Variants in TMEM74B observed in about 807,000 individuals in gnomAD.
The protein encoded by TMEM74B is transmembrane protein 74B.
A neutral mutation model predicts 6.5 loss-of-function variants in TMEM74B; 7 were observed. That is an observed-to-expected ratio of 1.07 (90% confidence interval 0.61 to 2.01). TMEM74B has a LOEUF of 2.01. Among genes scored for constraint, TMEM74B ranks in the 30% most tolerant of loss-of-function variants. The pLI is 0.00. For missense variants in TMEM74B, 342 were observed against 337.0 expected, an observed-to-expected ratio of 1.01 and a Z score of -0.12; for synonymous variants, 151 against 151.6, an observed-to-expected ratio of 1.00 and a Z score of 0.03.
chr20:1,185,818 C>T (rs2087011266), upstream of TMEM74B, among the ~76,000 whole-genome samples: 1 of 143,998 alleles, frequency 6.9e-6, no homozygotes, highest in South Asian at 2.4e-4. Flanking sequence ...CTTCCCCTTC[C>T]CCCCACCCCC....
intron 2 of TMEM74B, among the ~76,000 whole-genome samples, chr20:1,182,807 G>GA (rs768651325): frequency 1.4e-4 from 21 of 152,330 alleles, no homozygotes; most frequent in Admixed American, 3.9e-4. Context: ...TTGGCTGATA[G>GA]AAGTTTTGCT....
chr20:1,183,780 C>T lies in TMEM74B; in HGVS notation c.22G>A (p.Glu8Lys), dbSNP rs140910098. ...ATTATCATGTACAAACCTGCAAACT[C>T]ATACCCCTGTGCTGGTGGCATCACT... MPPAQGY[E>K]FAAAKGPRDE... The change falls in exon 2 of 3, where the codon GAG becomes AAG. Residue 8 changes from glutamate (E) to lysine (K), a missense_variant. Transcript: ENST00000429036. 4,604 of 1,613,998 alleles carry T rather than the reference C, an allele frequency of 2.9e-3. 11 individuals carry two copies. The highest frequency in any genetic ancestry group is 3.5e-3 in the Non-Finnish European group (4,117 of 1,179,996).
At position 1,181,452 on chromosome 20, in the gene TMEM74B, C is replaced by G; in HGVS notation, c.167G>C (p.Arg56Thr). 1.3e-6 allele frequency: 2 copies of G among 1,515,008 alleles called. No homozygotes were observed. The highest frequency in any genetic ancestry group is 1.8e-6 in the Non-Finnish European group (2 of 1,132,346). 93.8% of individuals were successfully genotyped at this position (1,515,008 alleles called of 1,614,324 possible). A position where few individuals can be genotyped will look rare whatever the true frequency, so the allele number is the denominator to read the frequency against. Residue 56 changes from arginine to threonine, a missense_variant, in exon 3 of 3, where the codon AGG (arginine) becomes ACG (threonine). Physicochemically the swap from Arg to Thr is moderately conservative, Grantham distance 71. Coordinates refer to ENST00000429036, the MANE Select transcript of TMEM74B (RefSeq NM_001304748.2). This position sits in a 1 kb window ranked among gnomAD's most constrained non-coding sequence, Gnocchi z 4.9. ...GAAGCAGGCATTCTCCACACCCTCC[C>G]TGGTTGGGGCCACTGGGCCCAGGGG... Reference protein sequence around the residue: ...SAPLGPVAPTREGVENACFSS... With the variant: ...SAPLGPVAPTTEGVENACFSS...
chr20:1,181,242 G>A lies in TMEM74B; in HGVS notation c.377C>T (p.Ala126Val), dbSNP rs771596313. The change falls in exon 3 of 3, where the codon GCC (alanine) becomes GTC (valine). Residue 126 changes from alanine to valine, a missense_variant. Ala to Val is a moderately conservative substitution (Grantham distance 64). Transcript: ENST00000429036. This position sits in a 1 kb window ranked among gnomAD's most constrained non-coding sequence, Gnocchi z 4.9. ...SRPVDYGFVSALVFLVSGILL... is the reference protein window; with the variant it reads ...SRPVDYGFVSVLVFLVSGILL... ...AATCCCACTCACCAGGAAAACGAGG[G>A]CGGAAACAAAGCCATAATCCACCGG... 2 of 1,614,124 alleles carry A rather than the reference G, an allele frequency of 1.2e-6. No individual in the cohort carries two copies. The highest frequency in any genetic ancestry group is 1.7e-6 in the Non-Finnish European group (2 of 1,180,016).
At position 1,183,826 on chromosome 20, in the gene TMEM74B, T is replaced by A; in HGVS notation, c.-25A>T. The A allele has an allele frequency of 6.2e-7, 1 of 1,613,860 alleles. No individual in the cohort carries two copies. Among genetic ancestry groups the A allele is most frequent in the Non-Finnish European group, 8.5e-7 (1 of 1,179,958 alleles). On this transcript the variant is annotated 5_prime_UTR_variant, in exon 2 of 3. An upstream open reading frame in the 5' UTR gains an earlier in-frame stop. Coordinates refer to ENST00000429036, the MANE Select transcript of TMEM74B (RefSeq NM_001304748.2). ...TCACTCCACCAGCCTTCCCTGGCTC[T>A]GCATCCCTCACTCATAGACTCTTCA...
chr20:1,182,752 T>A (rs928209795), intron 2 of TMEM74B, among the ~76,000 whole-genome samples: 1 of 152,174 alleles, frequency 6.6e-6, no homozygotes, highest in East Asian at 1.9e-4. Flanking sequence ...ACAGCACATG[T>A]GCATTCCCGC....
Position 1,181,188 on chromosome 20 carries a change from G to T in TMEM74B, c.431C>A (p.Pro144His), listed in dbSNP as rs1183960176. 3.7e-6 allele frequency: 6 copies of T among 1,614,198 alleles called. No homozygotes were observed. The highest frequency in any genetic ancestry group is 1.7e-5 in the Admixed American group (1 of 60,030). The change falls in exon 3 of 3, where the codon CCC (proline) becomes CAC (histidine). Residue 144 changes from proline (P) to histidine (H), a missense_variant. Transcript: ENST00000429036. The surrounding 1 kb of genome is among the most constrained non-coding windows in gnomAD (Gnocchi z 4.9). ...ILLVVTAYAI[P>H]REARVNPDTV... is the part of the protein sequence containing the mutation. ...GTCCGGATTGACTCGAGCCTCACGG[G>T]GGATGGCGTATGCTGTCACCACCAG... is the stretch of plus-strand genomic sequence containing the variant.
At position 1,181,862 on chromosome 20, in the gene TMEM74B, C is replaced by T. The variant is rs1202690601; in HGVS notation, c.32-275G>A. ...ACCTATAAAATAATACTACTACTACCCTCTAGTTCGCAAAGCTGGAGTAGG... is the reference window on the plus strand; with the variant it reads ...ACCTATAAAATAATACTACTACTACTCTCTAGTTCGCAAAGCTGGAGTAGG... On this transcript the variant is annotated intron_variant, in intron 2 of 2. Transcript: ENST00000429036. This position sits in a 1 kb window ranked among gnomAD's most constrained non-coding sequence, Gnocchi z 4.9. Among the ~76,000 whole-genome samples, 1 of 152,178 alleles carries T rather than the reference C, an allele frequency of 6.6e-6. No individual in the cohort carries two copies. Among genetic ancestry groups the T allele is most frequent in the African/African-American group, 2.4e-5 (1 of 41,446 alleles).
chr20:1,185,043 G>C (rs2086984861), upstream of TMEM74B: 1 of 152,236 alleles, frequency 6.6e-6, no homozygotes, highest in African/African-American at 2.4e-5. Flanking sequence ...CCTTCGGCGG[G>C]CCGCGAGGTC....
Position 1,180,764 on chromosome 20 carries a change from C to A in TMEM74B, c.*84G>T, listed in dbSNP as rs1286319327. 4.7e-6 allele frequency: 7 copies of A among 1,503,732 alleles called. No individual in the cohort carries two copies. The highest frequency in any genetic ancestry group is 6.2e-6 in the Non-Finnish European group (7 of 1,126,270). 93.1% of individuals were successfully genotyped at this position (1,503,732 alleles called of 1,614,324 possible). A position where few individuals can be genotyped will look rare whatever the true frequency, so the allele number is the denominator to read the frequency against. On this transcript the variant is annotated 3_prime_UTR_variant, in exon 3 of 3. Transcript: ENST00000429036. This position sits in a 1 kb window ranked among gnomAD's most constrained non-coding sequence, Gnocchi z 6.1. The stretch of plus-strand genomic sequence containing the variant: ...GTGAGCTCAGTTTAAAACCCCAGGG[C>A]CTTGGCAGGGGTCAGGTGGGCGGGA...
upstream of TMEM74B, among the ~76,000 whole-genome samples, chr20:1,188,414 ACACACACACACAC>A (rs2087044029): frequency 1.3e-5 from 2 of 150,812 alleles, no homozygotes; most frequent in Non-Finnish European, 3.0e-5. Context: ...GAAATGCTAC[ACACACACACACAC>A]CACACACCAC....
At chr20:1,183,631 C>T in intron 2 of TMEM74B, 140 bp downstream of exon 2, 1 of 959,162 alleles carries the variant, frequency 1.0e-6, no homozygotes, top group Non-Finnish European at 1.6e-6. Context: ...AGGAGTATCT[C>T]ATATCACCCT....
rs1411836893 is a variant in TMEM74B at position 1,181,865 on chromosome 20, C to G, written c.32-278G>C. ...TATAAAATAATACTACTACTACCCT[C>G]TAGTTCGCAAAGCTGGAGTAGGATT... On this transcript the variant is annotated intron_variant, in intron 2 of 2. Coordinates refer to ENST00000429036, the MANE Select transcript of TMEM74B (RefSeq NM_001304748.2). This position sits in a 1 kb window ranked among gnomAD's most constrained non-coding sequence, Gnocchi z 4.9. 6.6e-6 allele frequency among the ~76,000 whole-genome samples: 1 copy of G among 152,180 alleles called. No individual in the cohort carries two copies. The highest frequency in any genetic ancestry group is 1.5e-5 in the Non-Finnish European group (1 of 68,034).
rs2086838565 is a variant in TMEM74B, at chr20:1,180,733, C to T, written c.*115G>A. On this transcript the variant is annotated 3_prime_UTR_variant, in exon 3 of 3. Transcript: ENST00000429036. This position sits in a 1 kb window ranked among gnomAD's most constrained non-coding sequence, Gnocchi z 6.1. ...AGCACCCAGTACTTCTTCCACAAGG[C>T]CCTATGTGAGCTCAGTTTAAAACCC... 1 of 1,428,836 alleles carries T rather than the reference C, an allele frequency of 7.0e-7. No individual in the cohort carries two copies. The highest frequency in any genetic ancestry group is 1.4e-5 in the South Asian group (1 of 69,564). 88.5% of individuals were successfully genotyped at this position (1,428,836 alleles called of 1,614,324 possible).
intron 2 of TMEM74B, among the ~76,000 whole-genome samples, chr20:1,182,503 T>C (rs1600189987): frequency 7.1e-6 from 1 of 141,512 alleles, no homozygotes; most frequent in South Asian, 2.3e-4. Context: ...AGGATGGGGG[T>C]CCAGCAAGGA....
chr20:1,180,821 A>C lies in TMEM74B; in HGVS notation c.*27T>G, dbSNP rs760913748. On this transcript the variant is annotated 3_prime_UTR_variant, in exon 3 of 3. Coordinates refer to ENST00000429036, the MANE Select transcript of TMEM74B (RefSeq NM_001304748.2). The surrounding 1 kb of genome is among the most constrained non-coding windows in gnomAD (Gnocchi z 6.1). ...GGTGGACCTTGTAGCACTGGAGCTA[A>C]AGCAGCCAGATAAGGTGGGCTAGTT... The C allele has an allele frequency of 9.1e-6, 14 of 1,540,284 alleles. No individual in the cohort carries two copies. The highest frequency in any genetic ancestry group is 1.1e-5 in the Non-Finnish European group (13 of 1,141,870).
rs2086844720 is a variant in TMEM74B at position 1,180,946 on chromosome 20, G to A, written c.673C>T (p.Leu225=). 5 of 1,614,036 alleles carry A rather than the reference G, an allele frequency of 3.1e-6. No individual in the cohort carries two copies. The highest frequency in any genetic ancestry group is 3.4e-6 in the Non-Finnish European group (4 of 1,180,026). ...TCCCCATTGAGCTGTCTCATGCGCA[G>A]GTTAATGGAGCCGTAGGTCTTCCTG... ...GSRKTYGSIN[L]RMRQLNGDGG... Residue 225 remains leucine (L), a synonymous_variant, in exon 3 of 3, where the codon CTG becomes TTG. Transcript: ENST00000429036. This position sits in a 1 kb window ranked among gnomAD's most constrained non-coding sequence, Gnocchi z 6.1.
chr20:1,183,941 T>G lies in TMEM74B; in HGVS notation c.-140A>C, dbSNP rs916396552. The G allele has an allele frequency of 3.4e-5, 30 of 874,254 alleles. No individual in the cohort carries two copies. Among genetic ancestry groups the G allele is most frequent in the Admixed American group, 3.0e-4 (12 of 40,054 alleles). 54.2% of individuals were successfully genotyped at this position (874,254 alleles called of 1,614,324 possible). A position where few individuals can be genotyped will look rare whatever the true frequency, so the allele number is the denominator to read the frequency against. ...CTGGGTCCCCAGCCTGCGCCCAGAC[T>G]GCTTTTACTTTCCAGTGAATAGACA... On this transcript the variant is annotated 5_prime_UTR_variant, in exon 2 of 3. Transcript: ENST00000429036.
At position 1,183,761 on chromosome 20, in the gene TMEM74B, A is replaced by C; in HGVS notation, c.31+10T>G. 1 of 1,613,890 alleles carries C rather than the reference A, an allele frequency of 6.2e-7. No homozygotes were observed. Among genetic ancestry groups the C allele is most frequent in the Non-Finnish European group, 8.5e-7 (1 of 1,179,948 alleles). The stretch of plus-strand genomic sequence containing the variant: ...TGCAGATTCCCTAAGAATTATTATC[A>C]TGTACAAACCTGCAAACTCATACCC... On this transcript the variant is annotated intron_variant, in intron 2 of 2. Coordinates refer to ENST00000429036, the MANE Select transcript of TMEM74B (RefSeq NM_001304748.2).
Sources: gnomAD v4.1 joint callset for allele counts (sites outside exome capture counted in the v4.1 genomes callset) on GRCh38, gnomAD v4.1.1 for gene constraint, Gnocchi (gnomAD v3.1) non-coding constraint, MANE v1.5 for transcripts, NCBI Gene and HGNC (gene_info 2026-07-23, HGNC 2026-07-21) for gene names.